Variants in RC3H2 observed in about 807,000 individuals in gnomAD.
The protein encoded by RC3H2 is roquin-2.
Under a neutral mutation model 133.3 loss-of-function variants are expected in RC3H2, and 31 were observed. The observed-to-expected ratio is 0.23, with a 90% CI of 0.17 to 0.31. The LOEUF is 0.31. RC3H2 is among the 10% of genes least tolerant of loss of function. The pLI is 1.00. For missense variants in RC3H2, 1,175 were observed against 1,437.2 expected, an observed-to-expected ratio of 0.82 and a Z score of 2.95; for synonymous variants, 517 against 502.2, an observed-to-expected ratio of 1.03 and a Z score of -0.40.
chr9:122,862,843 C>T (rs563083144), intron 10 of RC3H2, among the ~76,000 whole-genome samples: 3 of 143,938 alleles, frequency 2.1e-5, no homozygotes, highest in South Asian at 2.2e-4. Flanking sequence ...TGCAGTGAGC[C>T]GAAATCGCAC....
chr9:122,851,204 A>G lies in RC3H2; in HGVS notation c.3257T>C (p.Ile1086Thr). The G allele has an allele frequency of 6.2e-7, 1 of 1,614,110 alleles. No homozygotes were observed. Among genetic ancestry groups the G allele is most frequent in the South Asian group, 1.1e-5 (1 of 91,086 alleles). The part of the protein sequence containing the change: ...IEEILDIQLG[I>T]SSQNDQLLNG... ...TAGCAACTGATCATTTTGAGAACTG[A>G]TACCAAGCTGTATGTCCAAGATCTC... The change falls in exon 20 of 21, where the codon ATC becomes ACC. Residue 1086 changes from isoleucine (I) to threonine (T), a missense_variant. By Grantham distance (89) the Ile-to-Thr change is moderately conservative. Coordinates refer to ENST00000357244, the MANE Select transcript of RC3H2 (RefSeq NM_001100588.3).
rs1423790297 is a variant in RC3H2 at position 122,848,606 on chromosome 9, C to A, written c.*1021G>T. 1.3e-5 allele frequency: 2 copies of A among 152,134 alleles called. No homozygotes were observed. The highest frequency in any genetic ancestry group is 2.9e-5 in the Non-Finnish European group (2 of 67,992). The allele number at this position is 152,134 out of a possible 1,614,324, so 9.4% of individuals were successfully genotyped here. ...AACCCCAACATGAAGTAACAATAAA[C>A]AATATTTAACCAAGATAATGCAATG... On this transcript the variant is annotated 3_prime_UTR_variant, in exon 21 of 21. Coordinates refer to ENST00000357244, the MANE Select transcript of RC3H2 (RefSeq NM_001100588.3).
At chr9:122,851,603 T>A in intron 18 of RC3H2, 167 bp from the exon 19 acceptor site, 1 of 865,550 alleles carries the variant, frequency 1.2e-6, no homozygotes. Flanking sequence ...CCTGCCTGAT[T>A]CTCCTGCCTC....
At chr9:122,852,247 G>A (rs1830057798) in intron 18 of RC3H2, among the ~76,000 whole-genome samples, 1 of 151,474 alleles carries the variant, frequency 6.6e-6, no homozygotes, top group South Asian at 2.1e-4. Flanking sequence ...GAAGTGAGGA[G>A]ACCCTCCGCC....
intron 4 of RC3H2, among the ~76,000 whole-genome samples, chr9:122,886,081 A>T (rs1041883224): frequency 6.6e-6 from 1 of 152,002 alleles, no homozygotes; most frequent in Non-Finnish European, 1.5e-5. Flanking sequence ...GTAGAGACAG[A>T]GTTTTCCCAT....
intron 9 of RC3H2, among the ~76,000 whole-genome samples, chr9:122,867,020 G>A (rs568645006): frequency 3.1e-5 from 4 of 129,556 alleles, no homozygotes; most frequent in South Asian, 5.8e-4. Flanking sequence ...CCACCGCCCC[G>A]TCTGGGATGT....
chr9:122,849,666 A>G lies in RC3H2; in HGVS notation c.3537T>C (p.Phe1179=). 1.2e-6 allele frequency: 2 copies of G among 1,613,482 alleles called. No individual in the cohort carries two copies. Among genetic ancestry groups the G allele is most frequent in the Non-Finnish European group, 1.7e-6 (2 of 1,179,798 alleles). Residue 1179 remains phenylalanine (F), a synonymous_variant, in exon 21 of 21, where the codon TTT becomes TTC. Coordinates refer to ENST00000357244, the MANE Select transcript of RC3H2 (RefSeq NM_001100588.3). ...THVMSEDKND[F]LKPVANGKMV... ...TCTTCCCATTTGCAACAGGTTTTAA[A>G]AAGTCGTTTTTATCTTCAGACATAA...
At chr9:122,896,929 A>C (rs1157061774) in intron 2 of RC3H2, among the ~76,000 whole-genome samples, 1 of 149,566 alleles carries the variant, frequency 6.7e-6, no homozygotes, top group Non-Finnish European at 1.5e-5. Context: ...GGGAGGCTGA[A>C]GCAGGAGAAT....
intron 4 of RC3H2, among the ~76,000 whole-genome samples, chr9:122,886,028 CA>C (rs2131474092): frequency 6.6e-6 from 1 of 152,306 alleles, no homozygotes; most frequent in African/African-American, 2.4e-5. Flanking sequence ...GCTGGGATTA[CA>C]GGTGTGCACC....
chr9:122,869,049 G>A (rs1830931133), intron 9 of RC3H2, among the ~76,000 whole-genome samples: 1 of 151,748 alleles, frequency 6.6e-6, no homozygotes, highest in South Asian at 2.1e-4. Context: ...TTACAGGCAC[G>A]TGCCTGCCAC....
At chr9:122,904,498 C>T (rs1260924795) in intron 1 of RC3H2, among the ~76,000 whole-genome samples, 1 of 152,152 alleles carries the variant, frequency 6.6e-6, no homozygotes, top group Non-Finnish European at 1.5e-5. Flanking sequence ...CAAGAGGCTA[C>T]ACCAAAAAGG....
rs1831681835 is a variant in RC3H2 at position 122,882,350 on chromosome 9, C to T, written c.759+854G>A. 2.6e-5 allele frequency among the ~76,000 whole-genome samples: 4 copies of T among 152,310 alleles called. No individual in the cohort carries two copies. The South Asian group carries it at 6.2e-4, about 24-fold the overall frequency. On this transcript the variant is annotated intron_variant, in intron 5 of 20. Coordinates refer to ENST00000357244, the MANE Select transcript of RC3H2 (RefSeq NM_001100588.3). ...GTGGAGTTAAATGAATTCACTTCAACACATTTCTATTATCAACTACCTGTT... is the reference window on the plus strand; with the variant it reads ...GTGGAGTTAAATGAATTCACTTCAATACATTTCTATTATCAACTACCTGTT...
chr9:122,880,400 A>C, intron 6 of RC3H2, 194 bp downstream of exon 6: 1 of 683,000 alleles, frequency 1.5e-6, no homozygotes, highest in Non-Finnish European at 2.5e-6. Flanking sequence ...TGCTAGTATC[A>C]TGTATTTGTT....
intron 9 of RC3H2, among the ~76,000 whole-genome samples, chr9:122,875,843 C>G (rs2131445862): frequency 6.6e-6 from 1 of 152,262 alleles, no homozygotes; most frequent in East Asian, 1.9e-4. Context: ...AAGGCAGACA[C>G]AGATTAGATG....
At chr9:122,894,938 G>A (rs1431273487) in intron 2 of RC3H2, among the ~76,000 whole-genome samples, 1 of 152,112 alleles carries the variant, frequency 6.6e-6, no homozygotes, top group African/African-American at 2.4e-5. Context: ...AAAGGTAACA[G>A]TAACTACAAA....
In RC3H2 at chr9:122,880,714, A is replaced by C. The variant is rs763280153; in HGVS notation, c.840T>G (p.His280Gln). The change falls in exon 6 of 21, where the codon CAT becomes CAG. Residue 280 changes from histidine to glutamine, a missense_variant. Coordinates refer to ENST00000357244, the MANE Select transcript of RC3H2 (RefSeq NM_001100588.3). ...FRSYEALRREHDAQIVHIAME... is the reference protein window; with the variant it reads ...FRSYEALRREQDAQIVHIAME... ...TGGCAATATGAACAATTTGGGCATC[A>C]TGTTCTCTGCGTAATGCTTCATAAC... 5 of 1,614,060 alleles carry C rather than the reference A, an allele frequency of 3.1e-6. No individual in the cohort carries two copies. In the South Asian group the frequency reaches 5.5e-5, roughly 18 times the overall value.
intron 9 of RC3H2, among the ~76,000 whole-genome samples, chr9:122,866,738 G>GTGATC (rs1258963486): frequency 6.6e-6 from 1 of 152,176 alleles, no homozygotes; most frequent in Non-Finnish European, 1.5e-5. Flanking sequence ...GTGCAGTGGT[G>GTGATC]TGATCTCAGC....
intron 9 of RC3H2, chr9:122,873,952 G>A (rs1831220707): frequency 6.6e-6 from 1 of 151,872 alleles, no homozygotes. Context: ...CGAGCAGCTG[G>A]GATTACAGGT....
intron 2 of RC3H2, among the ~76,000 whole-genome samples, chr9:122,896,548 T>C (rs1302986627): frequency 6.6e-6 from 1 of 152,208 alleles, no homozygotes; most frequent in African/African-American, 2.4e-5. Flanking sequence ...GGATATGACA[T>C]TATCTAAAGA....
Sources: gnomAD v4.1 joint callset for allele counts (sites outside exome capture counted in the v4.1 genomes callset) on GRCh38, gnomAD v4.1.1 for gene constraint, MANE v1.5 for transcripts, NCBI Gene and HGNC (gene_info 2026-07-23, HGNC 2026-07-21) for gene names.